Variants in MEGF8 observed in about 807,000 individuals in gnomAD.
MEGF8 encodes multiple EGF like domains 8.
MEGF8 carries 156 observed loss-of-function variants against 302.9 expected under a neutral mutation model. The observed-to-expected ratio is 0.52, with a 90% CI of 0.45 to 0.59. The LOEUF is 0.59. MEGF8 is among the 20% of genes least tolerant of loss of function. MEGF8 has a pLI of 0.00. For synonymous variants in MEGF8, 1,621 were observed against 1,660.5 expected (o/e 0.98, Z 0.58); for missense variants, 3,345 against 3,964.5 (o/e 0.84, Z 4.20).
intron 1 of MEGF8, among the ~76,000 whole-genome samples, chr19:42,329,452 G>C (rs546951407): frequency 3.7e-4 from 57 of 152,250 alleles, no homozygotes; most frequent in African/African-American, 1.3e-3. Flanking sequence ...CTGGGTAGAT[G>C]TTGGGGTGAG....
chr19:42,355,530 G>C (rs1159935940), intron 23 of MEGF8, among the ~76,000 whole-genome samples: 1 of 152,150 alleles, frequency 6.6e-6, no homozygotes, highest in Non-Finnish European at 1.5e-5. Flanking sequence ...CTTGGGCTTG[G>C]ATAGCAGCTC....
In MEGF8 at chr19:42,356,765, T is replaced by C. The variant is rs1600057050; in HGVS notation, c.4623-9T>C. 2.6e-6 allele frequency: 4 copies of C among 1,541,214 alleles called. No individual in the cohort carries two copies. The South Asian group carries it at 3.6e-5, about 14-fold the overall frequency. The stretch of plus-strand genomic sequence containing the variant: ...GTAATGAGGCTGCTTTTTTGCACCC[T>C]GGCCCCAGGTACTCAGTGAGTGAGC... On this transcript the variant is annotated splice_polypyrimidine_tract_variant and intron_variant, in intron 26 of 41. Transcript: ENST00000251268. This position sits in a 1 kb window ranked among gnomAD's most constrained non-coding sequence, Gnocchi z 5.2.
At chr19:42,333,890 C>A in intron 2 of MEGF8, 117 bp from the exon 3 acceptor site, 1 of 1,518,392 alleles carries the variant, frequency 6.6e-7, no homozygotes, top group Non-Finnish European at 8.9e-7. Flanking sequence ...TGGAGAGAGG[C>A]AAAGGAAGGA....
rs2039523362 is a variant in MEGF8, at chr19:42,360,977, G to A, written c.5691G>A (p.Gly1897=). ...NQSGACTWCH[G]ACLSGDQAHR... is the part of the protein sequence containing the mutation. ...CTGGGGCCTGCACCTGGTGCCATGGGGCCTGCTTGTCCGGGGATCAGGCCC... is the reference window on the plus strand; with the variant it reads ...CTGGGGCCTGCACCTGGTGCCATGGAGCCTGCTTGTCCGGGGATCAGGCCC... The change falls in exon 32 of 42, where the codon GGG becomes GGA. Residue 1897 remains glycine (G), a synonymous_variant. Coordinates refer to ENST00000251268, the MANE Select transcript of MEGF8 (RefSeq NM_001271938.2). The A allele has an allele frequency of 6.4e-7, 1 of 1,569,912 alleles. No homozygotes were observed. Among genetic ancestry groups the A allele is most frequent in the Non-Finnish European group, 8.7e-7 (1 of 1,155,992 alleles).
rs373575110 is a variant in MEGF8 at position 42,344,009 on chromosome 19, C to T, written c.1724C>T (p.Pro575Leu). 8 of 1,613,764 alleles carry T rather than the reference C, an allele frequency of 5.0e-6. No homozygotes were observed. Among genetic ancestry groups the T allele is most frequent in the East Asian group, 2.2e-5 (1 of 44,874 alleles). ...YTDHSVCSRD[P>L]ECSWCQGACQ... Reference sequence around the variant, plus strand: ...GACCACAGCGTCTGCTCCCGGGACCCGGAATGCAGTTGGTGCCAAGGAGCC... The same window carrying T: ...GACCACAGCGTCTGCTCCCGGGACCTGGAATGCAGTTGGTGCCAAGGAGCC... The change falls in exon 10 of 42, where the codon CCG becomes CTG. Residue 575 changes from proline (P) to leucine (L), a missense_variant. Physicochemically the swap from Pro to Leu is moderately conservative, Grantham distance 98 (BLOSUM62 -3). Coordinates refer to ENST00000251268, the MANE Select transcript of MEGF8 (RefSeq NM_001271938.2). This position sits in a 1 kb window ranked among gnomAD's most constrained non-coding sequence, Gnocchi z 4.5.
At position 42,368,686 on chromosome 19, in the gene MEGF8, G is replaced by A. The variant is rs748983449; in HGVS notation, c.6481+24G>A. ...TGGTGAGAGGGCTTTGGGCACTGGG[G>A]GAGAGGGGCTGGCCCTTGGTTGGGG... is the stretch of plus-strand genomic sequence containing the variant. On this transcript the variant is annotated intron_variant, in intron 36 of 41. Coordinates refer to ENST00000251268, the MANE Select transcript of MEGF8 (RefSeq NM_001271938.2). The surrounding 1 kb of genome is among the most constrained non-coding windows in gnomAD (Gnocchi z 4.9). 1.4e-5 allele frequency: 22 copies of A among 1,531,698 alleles called. No individual in the cohort carries two copies. The highest frequency in any genetic ancestry group is 1.8e-5 in the Non-Finnish European group (21 of 1,140,160). The allele number at this position is 1,531,698 out of a possible 1,614,324, so 94.9% of individuals were successfully genotyped here. A position where few individuals can be genotyped will look rare whatever the true frequency, so the allele number is the denominator to read the frequency against.
At position 42,346,800 on chromosome 19, in the gene MEGF8, C is replaced by T. The variant is rs140939317; in HGVS notation, c.2098-1472C>T. ...GAGAGCGAGACCGTCCTGGCTAACA[C>T]AGTGAAGCCCTGTCTCTAATAAAAA... On this transcript the variant is annotated intron_variant, in intron 12 of 41. Transcript: ENST00000251268. Among the ~76,000 whole-genome samples, 1,252 of 152,034 alleles carry T rather than the reference C, an allele frequency of 8.2e-3. 6 individuals carry two copies. Among genetic ancestry groups the T allele is most frequent in the Non-Finnish European group, 0.013 (871 of 67,952 alleles).
At chr19:42,349,408 G>A (rs747448168) in intron 13 of MEGF8, 91 bp from the exon 14 acceptor site, 14 of 1,118,228 alleles carry the variant, frequency 1.3e-5, no homozygotes, top group Middle Eastern at 6.2e-4. Flanking sequence ...AGGAGGGGGT[G>A]GGGTACAGGG....
chr19:42,351,379 G>T lies in MEGF8; in HGVS notation c.2855+45G>T. On this transcript the variant is annotated intron_variant, in intron 16 of 41. Transcript: ENST00000251268. The surrounding 1 kb of genome is among the most constrained non-coding windows in gnomAD (Gnocchi z 5.6). ...GGGAGTGGGTGGGTGGATGTGCCTGGGGATGTGTGCTGGCTGTGGAGTGAC... is the reference window on the plus strand; with the variant it reads ...GGGAGTGGGTGGGTGGATGTGCCTGTGGATGTGTGCTGGCTGTGGAGTGAC... 1 of 1,572,488 alleles carries T rather than the reference G, an allele frequency of 6.4e-7. No homozygotes were observed. The highest frequency in any genetic ancestry group is 8.6e-7 in the Non-Finnish European group (1 of 1,158,968).
At chr19:42,373,559 C>A (rs1189366568) in intron 41 of MEGF8, among the ~76,000 whole-genome samples, 3 of 151,470 alleles carry the variant, frequency 2.0e-5, no homozygotes, top group African/African-American at 7.3e-5. Context: ...TGCTATCATA[C>A]CTGGCTAATT....
chr19:42,342,435 G>A (rs528121357), intron 8 of MEGF8, among the ~76,000 whole-genome samples: 3 of 152,266 alleles, frequency 2.0e-5, no homozygotes, highest in African/African-American at 7.2e-5. Context: ...TCAGGAGATC[G>A]AGACTGTCCT....
At position 42,375,581 on chromosome 19, in the gene MEGF8, G is replaced by C; in HGVS notation, c.7344G>C (p.Glu2448Asp). 5.0e-6 allele frequency: 8 copies of C among 1,587,844 alleles called. No individual in the cohort carries two copies. The highest frequency in any genetic ancestry group is 6.8e-6 in the Non-Finnish European group (8 of 1,168,208). ...AGTGCTACCGCCTCATCTCGGTGGA[G>C]CAGGAGTGCTGCCTGGACCCCACGT... Reference protein sequence around the residue: ...GQQCYRLISVEQECCLDPTSQ... With the variant: ...GQQCYRLISVDQECCLDPTSQ... Residue 2448 changes from glutamate (E) to aspartate (D), a missense_variant, in exon 42 of 42, where the codon GAG becomes GAC. Physicochemically the swap from Glu to Asp is conservative, Grantham distance 45 (BLOSUM62 2). Coordinates refer to ENST00000251268, the MANE Select transcript of MEGF8 (RefSeq NM_001271938.2). The surrounding 1 kb of genome is among the most constrained non-coding windows in gnomAD (Gnocchi z 7.1).
intron 8 of MEGF8, among the ~76,000 whole-genome samples, chr19:42,338,825 ATTTTTTTTTTT>A (rs55994617): frequency 2.5e-4 from 12 of 47,144 alleles, no homozygotes; most frequent in African/African-American, 3.8e-4. Context: ...CTTTCTATGT[ATTTTTTTTTTT>A]TTTTTTTTTT....
At position 42,351,837 on chromosome 19, in the gene MEGF8, T is replaced by C; in HGVS notation, c.3101+76T>C. 7.9e-7 allele frequency: 1 copy of C among 1,260,918 alleles called. No individual in the cohort carries two copies. The highest frequency in any genetic ancestry group is 2.5e-4 in the Middle Eastern group (1 of 4,074). The allele number at this position is 1,260,918 out of a possible 1,614,324, so 78.1% of individuals were successfully genotyped here. ...ATGACCGGTCATTCTAATGGCCTCTTTGCTTCTCTGCCCTCTTGCCCATCC... is the reference window on the plus strand; with the variant it reads ...ATGACCGGTCATTCTAATGGCCTCTCTGCTTCTCTGCCCTCTTGCCCATCC... On this transcript the variant is annotated intron_variant, in intron 18 of 41. Coordinates refer to ENST00000251268, the MANE Select transcript of MEGF8 (RefSeq NM_001271938.2). This position sits in a 1 kb window ranked among gnomAD's most constrained non-coding sequence, Gnocchi z 5.6.
Position 42,344,670 on chromosome 19 carries a change from A to G in MEGF8, c.1934A>G (p.Glu645Gly). Residue 645 changes from glutamate to glycine, a missense_variant and splice_region_variant, in exon 12 of 42, where the codon GAG becomes GGG. Transcript: ENST00000251268. This position sits in a 1 kb window ranked among gnomAD's most constrained non-coding sequence, Gnocchi z 4.5. ...VHNESCLPRP[E>G]QARCRGEQIS... The stretch of plus-strand genomic sequence containing the variant: ...CGGCCCCCACCCCCTGTCTTCTCAG[A>G]GCAGGCCCGCTGCCGAGGGGAGCAG... 6.3e-7 allele frequency: 1 copy of G among 1,576,262 alleles called. No individual in the cohort carries two copies. The highest frequency in any genetic ancestry group is 8.6e-7 in the Non-Finnish European group (1 of 1,158,702).
rs564713013 is a variant in MEGF8 at position 42,354,561 on chromosome 19, C to A, written c.4012-27C>A. ...GTGTCGTTCTCATCCTCATTGTCTC[C>A]TAATCCTCGATTCTGCACCCCTCTA... On this transcript the variant is annotated intron_variant, in intron 22 of 41. Transcript: ENST00000251268. The surrounding 1 kb of genome is among the most constrained non-coding windows in gnomAD (Gnocchi z 4.3). The A allele has an allele frequency of 3.8e-6, 6 of 1,597,958 alleles. No homozygotes were observed. In the South Asian group the frequency reaches 6.7e-5, roughly 18 times the overall value.
In MEGF8 at chr19:42,369,434, A is replaced by G. The variant is rs1287254566; in HGVS notation, c.6642-97A>G. The stretch of plus-strand genomic sequence containing the variant: ...CAACGGGACAGAGCAGGGATGAGCA[A>G]CCAGTTGAGAAGAGGGTGGGGTAGT... On this transcript the variant is annotated intron_variant, in intron 37 of 41. Coordinates refer to ENST00000251268, the MANE Select transcript of MEGF8 (RefSeq NM_001271938.2). This position sits in a 1 kb window ranked among gnomAD's most constrained non-coding sequence, Gnocchi z 5.7. 1 of 1,288,856 alleles carries G rather than the reference A, an allele frequency of 7.8e-7. No individual in the cohort carries two copies. Among genetic ancestry groups the G allele is most frequent in the Non-Finnish European group, 1.1e-6 (1 of 929,046 alleles). 79.8% of individuals were successfully genotyped at this position (1,288,856 alleles called of 1,614,324 possible).
At position 42,363,094 on chromosome 19, in the gene MEGF8, G is replaced by C; in HGVS notation, c.6105G>C (p.Thr2035=). The C allele has an allele frequency of 6.2e-7, 1 of 1,613,428 alleles. No individual in the cohort carries two copies. Among genetic ancestry groups the C allele is most frequent in the Non-Finnish European group, 8.5e-7 (1 of 1,179,662 alleles). Residue 2035 remains threonine, a synonymous_variant, in exon 35 of 42, where the codon ACG becomes ACC. Transcript: ENST00000251268. ...ILSVQPTYDW[T]CFSHSLLNVS... Reference sequence around the variant, plus strand: ...CCGTGCAGCCCACCTATGACTGGACGTGCTTCAGCCACTCTCTGCTGAATG... The same window carrying C: ...CCGTGCAGCCCACCTATGACTGGACCTGCTTCAGCCACTCTCTGCTGAATG...
rs1290900556 is a variant in MEGF8 at position 42,358,837 on chromosome 19, TC to T, written c.5228del (p.Pro1743LeufsTer37). The T allele has an allele frequency of 1.9e-6, 3 of 1,602,880 alleles. No homozygotes were observed. The highest frequency in any genetic ancestry group is 1.3e-5 in the African/African-American group (1 of 74,516). ...GCTCATCTCGGGGTCTGGGCCAAGTTCCTGGGGAGCAGCCTGGGTCATGGGG... is the reference window on the plus strand; with the variant it reads ...GCTCATCTCGGGGTCTGGGCCAAGTTCTGGGGAGCAGCCTGGGTCATGGGG... The part of the protein sequence containing the change: ...RGSSRGLGQV[P>X]GEQPGSWGFR... On this transcript the variant is annotated frameshift_variant, in exon 30 of 42. Coordinates refer to ENST00000251268, the MANE Select transcript of MEGF8 (RefSeq NM_001271938.2). LOFTEE classifies it high-confidence loss of function. This position sits in a 1 kb window ranked among gnomAD's most constrained non-coding sequence, Gnocchi z 4.4.
Sources: gnomAD v4.1 joint callset for allele counts (sites outside exome capture counted in the v4.1 genomes callset) on GRCh38, gnomAD v4.1.1 for gene constraint, Gnocchi (gnomAD v3.1) non-coding constraint, MANE v1.5 for transcripts, NCBI Gene and HGNC (gene_info 2026-07-23, HGNC 2026-07-21) for gene names.